Variants in MDFIC observed in about 807,000 individuals in gnomAD.
MDFIC encodes the protein myoD family inhibitor domain-containing protein.
In MDFIC, 17 loss-of-function variants were observed where a neutral mutation model predicts 23.2. The observed-to-expected ratio is 0.73, with a 90% CI of 0.50 to 1.10. The LOEUF (loss-of-function observed/expected upper bound fraction) is 1.10. Ranked by LOEUF, MDFIC falls within the 50% of genes least tolerant of loss-of-function variation. MDFIC has a pLI of 0.00. For missense variants in MDFIC, 356 were observed against 316.6 expected (o/e 1.12, Z -0.95); for synonymous variants, 120 against 115.2 (o/e 1.04, Z -0.27).
chr7:114,962,480 G>C (rs1236965260), intron 3 of MDFIC, among the ~76,000 whole-genome samples: 1 of 152,036 alleles, frequency 6.6e-6, no homozygotes, highest in Non-Finnish European at 1.5e-5. Context: ...CTCCCATAAG[G>C]GTTTGCCTTT....
At chr7:114,999,585 A>G (rs1791417267) in intron 4 of MDFIC, among the ~76,000 whole-genome samples, 1 of 152,026 alleles carries the variant, frequency 6.6e-6, no homozygotes, top group Non-Finnish European at 1.5e-5. Flanking sequence ...TAATTAATAT[A>G]TATAATTCTC....
chr7:114,950,934 G>A (rs1792756771), intron 3 of MDFIC, among the ~76,000 whole-genome samples: 1 of 152,116 alleles, frequency 6.6e-6, no homozygotes, highest in African/African-American at 2.4e-5. Context: ...AGCACTTCAG[G>A]AAGCCAAGGC....
rs574166832 is a variant in MDFIC at position 114,964,812 on chromosome 7, G to A, written c.218-14694G>A. Among the ~76,000 whole-genome samples, 9 of 152,260 alleles carry A rather than the reference G, an allele frequency of 5.9e-5. No homozygotes were observed. In the East Asian group the frequency reaches 9.6e-4, roughly 16 times the overall value. On this transcript the variant is annotated intron_variant, in intron 3 of 4. Transcript: ENST00000393486. Reference sequence around the variant, plus strand: ...GATCAGCCTGCCTCGGCCTCCCAAAGTGCTGGGATTACAGGCGTTAGCCAC... The same window carrying A: ...GATCAGCCTGCCTCGGCCTCCCAAAATGCTGGGATTACAGGCGTTAGCCAC...
chr7:114,928,946 A>G (rs1263679970), intron 2 of MDFIC, among the ~76,000 whole-genome samples: 2 of 152,178 alleles, frequency 1.3e-5, no homozygotes, highest in African/African-American at 4.8e-5. Context: ...CCCTGAGGGA[A>G]TAGATTTTTA....
intron 4 of MDFIC, among the ~76,000 whole-genome samples, chr7:115,002,000 G>A (rs1009599834): frequency 7.2e-5 from 11 of 152,036 alleles, no homozygotes; most frequent in African/African-American, 2.7e-4. Flanking sequence ...AGCCAGGTGT[G>A]GTGGTACATG....
intron 3 of MDFIC, among the ~76,000 whole-genome samples, chr7:114,953,795 C>A (rs1259906661): frequency 6.6e-6 from 1 of 152,118 alleles, no homozygotes; most frequent in African/African-American, 2.4e-5. Context: ...TTCTAATATA[C>A]TTTAAATTGT....
chr7:115,017,108 C>T lies in MDFIC; in HGVS notation c.*1173C>T, dbSNP rs528080518. The T allele has an allele frequency of 7.1e-4, 108 of 152,272 alleles. 1 individual carries two copies. Among genetic ancestry groups the T allele is most frequent in the African/African-American group, 2.4e-3 (98 of 41,556 alleles). The allele number at this position is 152,272 out of a possible 1,614,324, so 9.4% of individuals were successfully genotyped here. A position where few individuals can be genotyped will look rare whatever the true frequency, so the allele number is the denominator to read the frequency against. ...TTTGACAAAGATTTAGGTGGACACC[C>T]TAAACTGTGTGTGCCTTTAACCAGT... On this transcript the variant is annotated 3_prime_UTR_variant, in exon 5 of 5. Transcript: ENST00000393486.
chr7:114,996,500 A>G (rs1048872999), intron 4 of MDFIC, among the ~76,000 whole-genome samples: 1 of 152,152 alleles, frequency 6.6e-6, no homozygotes, highest in African/African-American at 2.4e-5. Flanking sequence ...AATATATTGA[A>G]TTTGAGATAC....
intron 4 of MDFIC, among the ~76,000 whole-genome samples, chr7:115,013,820 T>C (rs1304935829): frequency 6.6e-6 from 1 of 152,138 alleles, no homozygotes; most frequent in Non-Finnish European, 1.5e-5. Flanking sequence ...ACGGACACTG[T>C]CTAGAAATCC....
chr7:114,998,109 A>C (rs893436263), intron 4 of MDFIC, among the ~76,000 whole-genome samples: 1 of 152,226 alleles, frequency 6.6e-6, no homozygotes, highest in Non-Finnish European at 1.5e-5. Context: ...AGCACTAGAC[A>C]CTGCATAATA....
intron 4 of MDFIC, among the ~76,000 whole-genome samples, chr7:115,006,448 C>A (rs1301146313): frequency 6.6e-6 from 1 of 152,126 alleles, no homozygotes; most frequent in African/African-American, 2.4e-5. Flanking sequence ...TACTCATCAT[C>A]ATCATCATCA....
intron 3 of MDFIC, among the ~76,000 whole-genome samples, chr7:114,958,152 A>G (rs1405308152): frequency 2.0e-5 from 3 of 152,204 alleles, no homozygotes; most frequent in African/African-American, 7.2e-5. Context: ...CCTCTGTGGA[A>G]GGAACTATTT....
At chr7:115,015,512 AC>A (rs1791777779) in intron 4 of MDFIC, among the ~76,000 whole-genome samples, 175 bp from the exon 5 acceptor site, 1 of 152,088 alleles carries the variant, frequency 6.6e-6, no homozygotes, top group Non-Finnish European at 1.5e-5. Flanking sequence ...TCTAAAGATC[AC>A]TCATCTAGAG....
chr7:114,951,749 A>G (rs1179211972), intron 3 of MDFIC, among the ~76,000 whole-genome samples: 2 of 152,192 alleles, frequency 1.3e-5, no homozygotes, highest in East Asian at 1.9e-4. Context: ...GCAAAATATC[A>G]GGGTGGGGTA....
intron 4 of MDFIC, among the ~76,000 whole-genome samples, chr7:115,008,009 G>A (rs1791606861): frequency 6.6e-6 from 1 of 151,648 alleles, no homozygotes; most frequent in African/African-American, 2.4e-5. Context: ...TAACTTCCTA[G>A]ACTTTGTAAA....
At position 114,952,931 on chromosome 7, in the gene MDFIC, A is replaced by G. The variant is rs530449612; in HGVS notation, c.217+10534A>G. The stretch of plus-strand genomic sequence containing the variant: ...TAATTACAAAGGAGACTGATAATGT[A>G]GGCAGCAGTGGCAACAACACCACAC... On this transcript the variant is annotated intron_variant, in intron 3 of 4. Transcript: ENST00000393486. Among the ~76,000 whole-genome samples the G allele has an allele frequency of 5.6e-4, 85 of 152,334 alleles. 1 individual carries two copies. Among genetic ancestry groups the G allele is most frequent in the African/African-American group, 1.8e-3 (73 of 41,578 alleles).
In MDFIC at chr7:115,013,895, T is replaced by C. The variant is rs964537038; in HGVS notation, c.494-1793T>C. On this transcript the variant is annotated intron_variant, in intron 4 of 4. Coordinates refer to ENST00000393486, the MANE Select transcript of MDFIC (RefSeq NM_001166345.3). ...GATTTTAGAGATCCCCTGAAATGAT[T>C]GGTTACTACCAGAAATCAATATTAG... 1.1e-5 allele frequency: 8 copies of C among 712,294 alleles called. No homozygotes were observed. The African/African-American group carries it at 1.5e-4, about 14-fold the overall frequency. 44.1% of individuals were successfully genotyped at this position (712,294 alleles called of 1,614,324 possible).
chr7:115,008,367 A>G (rs774661040), intron 4 of MDFIC, among the ~76,000 whole-genome samples: 13 of 151,844 alleles, frequency 8.6e-5, no homozygotes, highest in Non-Finnish European at 1.5e-4. Flanking sequence ...TTATTGTTCA[A>G]TTTCCCAAAG....
At chr7:114,981,724 G>A (rs1454889073) in intron 4 of MDFIC, among the ~76,000 whole-genome samples, 1 of 152,176 alleles carries the variant, frequency 6.6e-6, no homozygotes, top group Non-Finnish European at 1.5e-5. Context: ...TTAGACAATT[G>A]TAGGTTTGTT....
Sources: allele counts gnomAD v4.1 joint callset (sites outside exome capture counted in the v4.1 genomes callset), GRCh38; gene constraint gnomAD v4.1.1; transcripts MANE v1.5; gene names NCBI Gene and HGNC (gene_info 2026-07-23, HGNC 2026-07-21).